Variants in CCDC85A observed in about 807,000 individuals in gnomAD.
CCDC85A encodes coiled-coil domain-containing protein 85A.
CCDC85A carries 38 observed loss-of-function variants against 50.2 expected under a neutral mutation model. The observed-to-expected ratio is 0.76, with a 90% CI of 0.58 to 0.99. The LOEUF is 0.99. Among genes scored for constraint, CCDC85A ranks in the 50% least tolerant of loss-of-function variants. CCDC85A has a pLI of 0.00. For missense variants in CCDC85A, 820 were observed against 742.0 expected (o/e 1.11, Z -1.22); for synonymous variants, 366 against 301.4 (o/e 1.21, Z -2.22).
chr2:56,184,092 C>T lies in CCDC85A; in HGVS notation c.-533C>T. 3.0e-6 allele frequency: 3 copies of T among 985,480 alleles called. No individual in the cohort carries two copies. Among genetic ancestry groups the T allele is most frequent in the East Asian group, 1.1e-4 (1 of 8,740 alleles). The allele number at this position is 985,480 out of a possible 1,614,324, so 61.0% of individuals were successfully genotyped here. A position where few individuals can be genotyped will look rare whatever the true frequency, so the allele number is the denominator to read the frequency against. Reference sequence around the variant, plus strand: ...GAGGAGCGCAGCAGCCTTCGGGCAGCCGCGGCGGCGTCGCTAGAGCAGCCG... The same window carrying T: ...GAGGAGCGCAGCAGCCTTCGGGCAGTCGCGGCGGCGTCGCTAGAGCAGCCG... On this transcript the variant is annotated 5_prime_UTR_variant, in exon 1 of 6. Coordinates refer to ENST00000407595, the MANE Select transcript of CCDC85A (RefSeq NM_001080433.2).
At position 56,372,335 on chromosome 2, in the gene CCDC85A, A is replaced by G. The variant is rs377161654; in HGVS notation, c.1318-9A>G. On this transcript the variant is annotated splice_polypyrimidine_tract_variant and intron_variant, in intron 3 of 5. Transcript: ENST00000407595. ...CTGAGTGATTGTACCATATTGTTCC[A>G]AATATAAGGCCAGCCAGAATAGAAG... The G allele has an allele frequency of 3.5e-5, 54 of 1,561,260 alleles. No homozygotes were observed. The highest frequency in any genetic ancestry group is 1.9e-4 in the Admixed American group (10 of 51,802).
chr2:56,350,241 A>G (rs749353624), intron 3 of CCDC85A, among the ~76,000 whole-genome samples: 5 of 149,306 alleles, frequency 3.3e-5, no homozygotes, highest in Non-Finnish European at 5.9e-5. Flanking sequence ...ACCTTGGCTC[A>G]CTGCAACCTC....
Position 56,342,958 on chromosome 2 carries a change from G to C in CCDC85A, c.1317+3G>C. The stretch of plus-strand genomic sequence containing the variant: ...AAGAAAATCGCATGCTGCCCCAGGT[G>C]GGTGACTTCCAGAAGCTCATAGCTA... On this transcript the variant is annotated splice_donor_region_variant and intron_variant, in intron 3 of 5. Coordinates refer to ENST00000407595, the MANE Select transcript of CCDC85A (RefSeq NM_001080433.2). The C allele has an allele frequency of 6.3e-7, 1 of 1,585,416 alleles. No individual in the cohort carries two copies. Among genetic ancestry groups the C allele is most frequent in the Non-Finnish European group, 8.6e-7 (1 of 1,164,242 alleles).
intron 2 of CCDC85A, among the ~76,000 whole-genome samples, chr2:56,300,813 G>A (rs564013062): frequency 3.2e-4 from 48 of 152,324 alleles, no homozygotes; most frequent in African/African-American, 1.1e-3. Context: ...TCCCATGTGG[G>A]AACAGTGCTT....
At chr2:56,229,425 T>C (rs1668684784) in intron 2 of CCDC85A, among the ~76,000 whole-genome samples, 1 of 152,216 alleles carries the variant, frequency 6.6e-6, no homozygotes, top group Admixed American at 6.5e-5. Context: ...AGTAACATTG[T>C]TGCTTGTAAT....
At chr2:56,263,552 G>A (rs1030941583) in intron 2 of CCDC85A, among the ~76,000 whole-genome samples, 3 of 152,124 alleles carry the variant, frequency 2.0e-5, no homozygotes, top group Non-Finnish European at 4.4e-5. Context: ...TGTATATTGG[G>A]CTGGTCTTGT....
intron 3 of CCDC85A, among the ~76,000 whole-genome samples, chr2:56,348,761 G>A (rs1674756556): frequency 6.6e-6 from 1 of 152,106 alleles, no homozygotes; most frequent in African/African-American, 2.4e-5. Flanking sequence ...CTAGCATGGG[G>A]GCAGAGAAGG....
Position 56,184,170 on chromosome 2 carries a change from C to T in CCDC85A, c.-455C>T. 2.0e-6 allele frequency: 2 copies of T among 986,694 alleles called. No homozygotes were observed. Among genetic ancestry groups the T allele is most frequent in the Non-Finnish European group, 2.4e-6 (2 of 830,996 alleles). The allele number at this position is 986,694 out of a possible 1,614,324, so 61.1% of individuals were successfully genotyped here. ...CTCCAAGCTAGGAGAGGGGAGAAGC[C>T]GGGGGCTGCAGCTGGGCAAGGGGGA... On this transcript the variant is annotated 5_prime_UTR_variant, in exon 1 of 6. Coordinates refer to ENST00000407595, the MANE Select transcript of CCDC85A (RefSeq NM_001080433.2).
chr2:56,206,495 A>C (rs994770814), intron 2 of CCDC85A, among the ~76,000 whole-genome samples: 12 of 152,142 alleles, frequency 7.9e-5, no homozygotes, highest in African/African-American at 2.4e-5. Context: ...TTTGTGCTGC[A>C]TCATCCCATG....
chr2:56,231,554 G>GAATCTAA (rs1668773395), intron 2 of CCDC85A, among the ~76,000 whole-genome samples: 1 of 152,052 alleles, frequency 6.6e-6, no homozygotes, highest in Non-Finnish European at 1.5e-5. Context: ...CATGACTCTT[G>GAATCTAA]GCTTCAATCT....
At chr2:56,215,180 T>C (rs991827490) in intron 2 of CCDC85A, among the ~76,000 whole-genome samples, 2 of 152,076 alleles carry the variant, frequency 1.3e-5, no homozygotes, top group South Asian at 4.1e-4. Context: ...TGTTTGTTGC[T>C]GGTATATAGG....
chr2:56,282,571 G>A (rs190446695), intron 2 of CCDC85A, among the ~76,000 whole-genome samples: 18 of 152,248 alleles, frequency 1.2e-4, no homozygotes, highest in South Asian at 6.2e-4. Context: ...GTGCAATGGC[G>A]CGATCTCGGC....
At chr2:56,301,218 C>A (rs1408127777) in intron 2 of CCDC85A, among the ~76,000 whole-genome samples, 2 of 152,134 alleles carry the variant, frequency 1.3e-5, no homozygotes, top group South Asian at 4.1e-4. Flanking sequence ...CAAATCAAAT[C>A]ACTCAGTGGT....
At chr2:56,328,576 C>G (rs1345916017) in intron 2 of CCDC85A, among the ~76,000 whole-genome samples, 1 of 152,202 alleles carries the variant, frequency 6.6e-6, no homozygotes, top group African/African-American at 2.4e-5. Flanking sequence ...TCTGCATCTT[C>G]CCTTCCTCGT....
intron 2 of CCDC85A, among the ~76,000 whole-genome samples, chr2:56,231,525 T>C (rs1336803630): frequency 1.3e-5 from 2 of 152,148 alleles, no homozygotes; most frequent in East Asian, 1.9e-4. Context: ...TTATAAAATA[T>C]TGGAATTGTC....
chr2:56,256,945 CA>C (rs1670008227), intron 2 of CCDC85A, among the ~76,000 whole-genome samples: 1 of 152,140 alleles, frequency 6.6e-6, no homozygotes, highest in Admixed American at 6.5e-5. Flanking sequence ...CAAACAGATT[CA>C]AATTGTCAAA....
rs375013488 is a variant in CCDC85A at position 56,235,490 on chromosome 2, T to TA, written c.1240+42061dup. Among the ~76,000 whole-genome samples the TA allele has an allele frequency of 2.6e-3, 383 of 148,104 alleles. 2 individuals are homozygous for TA. The highest frequency in any genetic ancestry group is 0.021 in the Middle Eastern group (6 of 286). ...GAAAAAGGTAAATTAGGGAAAAGAC[T>TA]AAAAAAAAAAATCAATGAGAGAAGC... On this transcript the variant is annotated intron_variant, in intron 2 of 5. Coordinates refer to ENST00000407595, the MANE Select transcript of CCDC85A (RefSeq NM_001080433.2).
rs193167051 is a variant in CCDC85A, at chr2:56,303,230, C to T, written c.1241-39649C>T. 4.1e-4 allele frequency among the ~76,000 whole-genome samples: 63 copies of T among 152,202 alleles called. No homozygotes were observed. In the East Asian group the frequency reaches 6.2e-3, roughly 15 times the overall value. ...TGAGGCCTGGGGTTATGTCTCTTTC[C>T]TCTGTATCTCCCCAGTCATGGCACG... On this transcript the variant is annotated intron_variant, in intron 2 of 5. Coordinates refer to ENST00000407595, the MANE Select transcript of CCDC85A (RefSeq NM_001080433.2).
At chr2:56,296,635 T>C (rs1671962297) in intron 2 of CCDC85A, among the ~76,000 whole-genome samples, 1 of 152,184 alleles carries the variant, frequency 6.6e-6, no homozygotes, top group Admixed American at 6.6e-5. Flanking sequence ...GATTCTGGCC[T>C]GTTTTACAAA....
Sources: gnomAD v4.1 joint callset for allele counts (sites outside exome capture counted in the v4.1 genomes callset) on GRCh38, gnomAD v4.1.1 for gene constraint, MANE v1.5 for transcripts, NCBI Gene and HGNC (gene_info 2026-07-23, HGNC 2026-07-21) for gene names.